The following AGO1 variants were observed in gnomAD, a reference collection of about 807,000 sequenced individuals.
AGO1 encodes argonaute RISC component 1.
AGO1 carries 11 observed loss-of-function variants against 109.2 expected under a neutral mutation model. The observed-to-expected ratio is 0.10, with a 90% confidence interval of 0.06 to 0.17. The LOEUF (loss-of-function observed/expected upper bound fraction) is 0.17. Among genes scored for constraint, AGO1 ranks in the 10% least tolerant of loss-of-function variants. The probability of loss-of-function intolerance (pLI) is 1.00; values close to 1 mark genes in which losing one functional copy is unlikely to be tolerated. For synonymous variants in AGO1, 422 were observed against 418.6 expected (o/e 1.01, Z -0.10); for missense variants, 574 against 1,140.3 (o/e 0.50, Z 7.15).
In AGO1 at chr1:35,927,103, A is replaced by G. The variant is rs554046305; in HGVS notation, c.*7496A>G. On this transcript the variant is annotated 3_prime_UTR_variant, in exon 19 of 19. Coordinates refer to ENST00000373204, the MANE Select transcript of AGO1 (RefSeq NM_012199.5). The stretch of plus-strand genomic sequence containing the variant: ...GGTTTTTGGAAAAGGCCTGTGGGCT[A>G]TTAATGAGAGTGAGCTGCAAAAGGA... The G allele has an allele frequency of 2.0e-5, 3 of 152,300 alleles. No homozygotes were observed. Among genetic ancestry groups the G allele is most frequent in the Admixed American group, 6.5e-5 (1 of 15,300 alleles). The allele number at this position is 152,300 out of a possible 1,614,324, so 9.4% of individuals were successfully genotyped here. A position where few individuals can be genotyped will look rare whatever the true frequency, so the allele number is the denominator to read the frequency against.
At chr1:35,918,913 C>A in intron 17 of AGO1, 142 bp from the exon 18 acceptor site, 1 of 759,850 alleles carries the variant, frequency 1.3e-6, no homozygotes, top group Non-Finnish European at 2.2e-6. Flanking sequence ...AAGAAGAGTG[C>A]TTTATGACAT....
Position 35,917,744 on chromosome 1 carries a change from G to T in AGO1, c.2163+17G>T. 6.2e-7 allele frequency: 1 copy of T among 1,608,554 alleles called. No individual in the cohort carries two copies. Among genetic ancestry groups the T allele is most frequent in the Non-Finnish European group, 8.5e-7 (1 of 1,175,850 alleles). ...AATGAGCGAGTGAGTGAGGGACTGAGGCCTCCCATCCCCTCCTTCTGTCTC... is the reference window on the plus strand; with the variant it reads ...AATGAGCGAGTGAGTGAGGGACTGATGCCTCCCATCCCCTCCTTCTGTCTC... On this transcript the variant is annotated intron_variant, in intron 16 of 18. Coordinates refer to ENST00000373204, the MANE Select transcript of AGO1 (RefSeq NM_012199.5).
At chr1:35,885,427 C>T (rs2148707188) in intron 1 of AGO1, among the ~76,000 whole-genome samples, 1 of 152,228 alleles carries the variant, frequency 6.6e-6, no homozygotes, top group South Asian at 2.1e-4. Context: ...TCAGCCAAAG[C>T]CTTGGGAAAA....
upstream of AGO1, among the ~76,000 whole-genome samples, chr1:35,880,478 C>A (rs1345849612): frequency 6.6e-6 from 1 of 152,138 alleles, no homozygotes; most frequent in East Asian, 1.9e-4. Flanking sequence ...GGGAGAATTA[C>A]TTGCGCCTGA....
chr1:35,894,433 T>C (rs749602510), intron 7 of AGO1, 31 bp downstream of exon 7: 9 of 1,606,756 alleles, frequency 5.6e-6, no homozygotes, highest in Non-Finnish European at 7.7e-6. Context: ...AGTCATACTT[T>C]GTTGGTGGAG....
chr1:35,930,397 C>G lies in AGO1; in HGVS notation c.*10790C>G, dbSNP rs888693143. Reference sequence around the variant, plus strand: ...AGTCAGAAAAAAGCAGCGGTTGGCCCGTTGGGAGAATTGGAAGCCAACCAG... The same window carrying G: ...AGTCAGAAAAAAGCAGCGGTTGGCCGGTTGGGAGAATTGGAAGCCAACCAG... On this transcript the variant is annotated 3_prime_UTR_variant, in exon 19 of 19. Transcript: ENST00000373204. 1 of 152,166 alleles carries G rather than the reference C, an allele frequency of 6.6e-6. No homozygotes were observed. The highest frequency in any genetic ancestry group is 1.5e-5 in the Non-Finnish European group (1 of 68,044). The allele number at this position is 152,166 out of a possible 1,614,324, so 9.4% of individuals were successfully genotyped here.
At position 35,891,191 on chromosome 1, in the gene AGO1, C is replaced by G. The variant is rs80044541; in HGVS notation, c.210-1366C>G. ...CACTGAAGCCTAATTGGGATTGAAACCATATGATCACAGTGCTTCTAATGT... is the reference window on the plus strand; with the variant it reads ...CACTGAAGCCTAATTGGGATTGAAAGCATATGATCACAGTGCTTCTAATGT... On this transcript the variant is annotated intron_variant, in intron 2 of 18. Transcript: ENST00000373204. 6.7e-3 allele frequency among the ~76,000 whole-genome samples: 1,018 copies of G among 152,286 alleles called. 8 individuals are homozygous for G. Among genetic ancestry groups the G allele is most frequent in the African/African-American group, 0.023 (966 of 41,552 alleles).
At position 35,909,885 on chromosome 1, in the gene AGO1, A is replaced by T. The variant is rs572217705; in HGVS notation, c.1582+2766A>T. On this transcript the variant is annotated intron_variant, in intron 12 of 18. Transcript: ENST00000373204. ...TTTAGGAGAACTTCCTTGAATAAGT[A>T]TTCATGTTTCTGATTTCCCTCCATT... Among the ~76,000 whole-genome samples the T allele has an allele frequency of 8.5e-4, 129 of 152,176 alleles. 1 individual carries two copies. The highest frequency in any genetic ancestry group is 3.1e-3 in the African/African-American group (127 of 41,526).
chr1:35,904,496 C>T (rs1210175058), intron 11 of AGO1, among the ~76,000 whole-genome samples: 1 of 152,180 alleles, frequency 6.6e-6, no homozygotes, highest in East Asian at 1.9e-4. Context: ...ATAGTCACTT[C>T]ATTGTAGTTC....
At chr1:35,875,555 AG>A in intron 1 of AGO1, among the ~76,000 whole-genome samples, 1 of 152,238 alleles carries the variant, frequency 6.6e-6, no homozygotes, top group East Asian at 1.9e-4. Context: ...CTGGGATTAA[AG>A]GTGCATGCCA....
At chr1:35,886,628 A>G (rs1645125067) in intron 1 of AGO1, among the ~76,000 whole-genome samples, 1 of 152,172 alleles carries the variant, frequency 6.6e-6, no homozygotes, top group African/African-American at 2.4e-5. Context: ...TGAATGAAAT[A>G]TAAGAACTTG....
intron 8 of AGO1, among the ~76,000 whole-genome samples, chr1:35,896,797 T>A (rs1444631773): frequency 6.6e-6 from 1 of 152,228 alleles, no homozygotes; most frequent in Non-Finnish European, 1.5e-5. Context: ...CCAAGAACTC[T>A]GACTTGGTTA....
chr1:35,922,613 T>A lies in AGO1; in HGVS notation c.*3006T>A, dbSNP rs1316118886. The A allele has an allele frequency of 6.5e-6, 1 of 153,390 alleles. No homozygotes were observed. Among genetic ancestry groups the A allele is most frequent in the African/African-American group, 2.4e-5 (1 of 41,426 alleles). 9.5% of individuals were successfully genotyped at this position (153,390 alleles called of 1,614,324 possible). Reference sequence around the variant, plus strand: ...TTGCTGGCCGGCCTGCCTGCCTGCCTGCCTGCCTGCCTGCCTGTCTGCCTA... The same window carrying A: ...TTGCTGGCCGGCCTGCCTGCCTGCCAGCCTGCCTGCCTGCCTGTCTGCCTA... On this transcript the variant is annotated 3_prime_UTR_variant, in exon 19 of 19. Transcript: ENST00000373204.
chr1:35,880,913 G>T (rs1344052685), upstream of AGO1, among the ~76,000 whole-genome samples: 1 of 152,142 alleles, frequency 6.6e-6, no homozygotes, highest in Non-Finnish European at 1.5e-5. Context: ...GCCTGCCTTG[G>T]TCTCCCAAAG....
rs142820733 is a variant in AGO1 at position 35,922,037 on chromosome 1, G to A, written c.*2430G>A. 1 of 152,820 alleles carries A rather than the reference G, an allele frequency of 6.5e-6. No homozygotes were observed. Among genetic ancestry groups the A allele is most frequent in the African/African-American group, 2.4e-5 (1 of 41,580 alleles). The allele number at this position is 152,820 out of a possible 1,614,324, so 9.5% of individuals were successfully genotyped here. Reference sequence around the variant, plus strand: ...CCACTTGGATACATTTTGGGGCTAGGATCAGGGCACTATTCCTGGAGGGTC... The same window carrying A: ...CCACTTGGATACATTTTGGGGCTAGAATCAGGGCACTATTCCTGGAGGGTC... On this transcript the variant is annotated 3_prime_UTR_variant, in exon 19 of 19. Coordinates refer to ENST00000373204, the MANE Select transcript of AGO1 (RefSeq NM_012199.5).
Position 35,897,756 on chromosome 1 carries a change from G to A in AGO1, c.1020+2487G>A, listed in dbSNP as rs114384651. On this transcript the variant is annotated intron_variant, in intron 8 of 18. Transcript: ENST00000373204. ...AAAAAAATAAAAAAACAGCTTTATCGAGATATAATTCACATACCATAAAAT... is the reference window on the plus strand; with the variant it reads ...AAAAAAATAAAAAAACAGCTTTATCAAGATATAATTCACATACCATAAAAT... Among the ~76,000 whole-genome samples, 1,113 of 152,172 alleles carry A rather than the reference G, an allele frequency of 7.3e-3. 4 individuals are homozygous for A. The highest frequency in any genetic ancestry group is 0.013 in the Admixed American group (201 of 15,276).
chr1:35,894,050 CT>C lies in AGO1; in HGVS notation c.667del (p.Tyr223IlefsTer6). ...CTGTCCCCACAGTCTCAGCCACTGC[CT>C]TTTATAAGGCACAGCCAGTGATTGA... ...MLNIDVSATAFYKAQPVIEFM... is the reference protein window; with the variant it reads ...MLNIDVSATAXYKAQPVIEFM... On this transcript the variant is annotated frameshift_variant, in exon 6 of 19. Coordinates refer to ENST00000373204, the MANE Select transcript of AGO1 (RefSeq NM_012199.5). LOFTEE classifies it high-confidence loss of function. 6.4e-7 allele frequency: 1 copy of C among 1,555,126 alleles called. No individual in the cohort carries two copies. The highest frequency in any genetic ancestry group is 8.7e-7 in the Non-Finnish European group (1 of 1,154,160).
At chr1:35,877,401 T>C (rs1476502697) in intron 1 of AGO1, among the ~76,000 whole-genome samples, 1 of 152,186 alleles carries the variant, frequency 6.6e-6, no homozygotes, top group East Asian at 1.9e-4. Flanking sequence ...CCATCTTTCC[T>C]TTGCCTGGCT....
In AGO1 at chr1:35,892,463, AATAG is replaced by A. The variant is rs1316848178; in HGVS notation, c.210-91_210-88del. The A allele has an allele frequency of 5.2e-6, 8 of 1,539,462 alleles. No individual in the cohort carries two copies. In the African/African-American group the frequency reaches 1.1e-4, roughly 21 times the overall value. On this transcript the variant is annotated intron_variant, in intron 2 of 18. Coordinates refer to ENST00000373204, the MANE Select transcript of AGO1 (RefSeq NM_012199.5). ...TAGAGTAGATGTTAGGAGTGAGTAT[AATAG>A]ATGGGACATTGCCTGGACTTTGAAT...
Sources: allele counts gnomAD v4.1 joint callset (sites outside exome capture counted in the v4.1 genomes callset), GRCh38; gene constraint gnomAD v4.1.1; transcripts MANE v1.5; gene names NCBI Gene and HGNC (gene_info 2026-07-23, HGNC 2026-07-21).